BICRAL: variants seen among roughly 807,000 people sequenced by gnomAD.
The protein encoded by BICRAL is BRD4-interacting chromatin-remodeling complex-associated protein-like.
Under a neutral mutation model 91.8 loss-of-function variants are expected in BICRAL, and 8 were observed. That is an observed-to-expected ratio of 0.09 (90% CI 0.05 to 0.16). The LOEUF (loss-of-function observed/expected upper bound fraction) is 0.16, where lower values mean the gene tolerates loss of function less well. BICRAL is among the 10% of genes least tolerant of loss of function. The pLI, the probability that BICRAL is intolerant of heterozygous loss-of-function variation, is 1.00. For missense variants in BICRAL, 1,038 were observed against 1,310.9 expected (o/e 0.79, Z 3.21); for synonymous variants, 445 against 491.1 (o/e 0.91, Z 1.24).
At chr6:42,853,102 C>G (rs956675078) in intron 7 of BICRAL, among the ~76,000 whole-genome samples, 2 of 150,352 alleles carry the variant, frequency 1.3e-5, no homozygotes, top group Non-Finnish European at 3.0e-5. Flanking sequence ...TTTTACAGTA[C>G]TTGTGACTTT....
At chr6:42,748,236 G>A (rs1762319164) in intron 1 of BICRAL, among the ~76,000 whole-genome samples, 1 of 150,416 alleles carries the variant, frequency 6.6e-6, no homozygotes, top group South Asian at 2.1e-4. Context: ...TTTATTTTAT[G>A]AAATGTTGAT....
intron 1 of BICRAL, among the ~76,000 whole-genome samples, chr6:42,783,132 C>A (rs1226299259): frequency 1.3e-5 from 2 of 148,784 alleles, no homozygotes; most frequent in East Asian, 3.9e-4. Context: ...CGCCCCGGCC[C>A]CGTTCCCGCT....
intron 12 of BICRAL, among the ~76,000 whole-genome samples, 161 bp from the exon 13 acceptor site, chr6:42,864,498 C>G (rs1050413725): frequency 6.6e-6 from 1 of 152,198 alleles, no homozygotes; most frequent in East Asian, 1.9e-4. Flanking sequence ...AGGATGCCCT[C>G]TCAGGATCAG....
Position 42,829,162 on chromosome 6 carries a change from C to G in BICRAL, c.829C>G (p.Pro277Ala), listed in dbSNP as rs1235265806. 2 of 1,613,984 alleles carry G rather than the reference C, an allele frequency of 1.2e-6. No individual in the cohort carries two copies. Among genetic ancestry groups the G allele is most frequent in the East Asian group, 4.5e-5 (2 of 44,884 alleles). Reference sequence around the variant, plus strand: ...CTCTAGTTCCAGTCCAGTAGCACAGCCTGTTACCGTTCCATTTAACAGCAC... The same window carrying G: ...CTCTAGTTCCAGTCCAGTAGCACAGGCTGTTACCGTTCCATTTAACAGCAC... ...GNSSSSPVAQ[P>A]VTVPFNSTNF... Residue 277 changes from proline (P) to alanine (A), a missense_variant, in exon 6 of 13, where the codon CCT becomes GCT. Physicochemically the swap from Pro to Ala is conservative, Grantham distance 27. Transcript: ENST00000314073.
chr6:42,804,902 A>G (rs1763667554), intron 1 of BICRAL, among the ~76,000 whole-genome samples: 3 of 152,136 alleles, frequency 2.0e-5, no homozygotes, highest in South Asian at 4.1e-4. Flanking sequence ...GGGCCTCGCT[A>G]TGTAGCCTAG....
In BICRAL at chr6:42,857,252, C is replaced by A. The variant is rs1581637044; in HGVS notation, c.2254+16C>A. The A allele has an allele frequency of 2.5e-6, 4 of 1,602,938 alleles. No homozygotes were observed. In the East Asian group the frequency reaches 9.0e-5, roughly 36 times the overall value. ...TTGAGAAAAGGTAAGCAGGCTGGGA[C>A]CCTAAGGCACCACTCTGATACCAGG... On this transcript the variant is annotated intron_variant, in intron 10 of 12. Transcript: ENST00000314073.
intron 6 of BICRAL, among the ~76,000 whole-genome samples, chr6:42,845,357 G>A (rs1562491085): frequency 6.7e-6 from 1 of 150,196 alleles, no homozygotes; most frequent in Non-Finnish European, 1.5e-5. Flanking sequence ...GCCTCCGGAG[G>A]GATTACAAGC....
intron 1 of BICRAL, among the ~76,000 whole-genome samples, chr6:42,759,690 T>C (rs1456850749): frequency 2.0e-5 from 3 of 152,230 alleles, no homozygotes; most frequent in Non-Finnish European, 2.9e-5. Context: ...TCTGTGATCC[T>C]ATGCCTCATC....
intron 1 of BICRAL, among the ~76,000 whole-genome samples, chr6:42,790,249 C>T (rs1044710527): frequency 1.3e-5 from 2 of 151,996 alleles, no homozygotes; most frequent in African/African-American, 4.8e-5. Flanking sequence ...CCTGGACCTC[C>T]TGGGATCAAG....
Position 42,759,179 on chromosome 6 carries a change from G to T in BICRAL, c.-261+12156G>T, listed in dbSNP as rs140784378. 1.4e-4 allele frequency among the ~76,000 whole-genome samples: 22 copies of T among 152,304 alleles called. No homozygotes were observed. The East Asian group carries it at 3.9e-3, about 27-fold the overall frequency. ...CAGGAACTGAAGCACTTCAAAGCTG[G>T]AAGTGGAGATCAGAGATGAAGTTAG... On this transcript the variant is annotated intron_variant, in intron 1 of 14. Transcript: ENST00000614467.
chr6:42,854,484 T>A (rs1168530273), intron 8 of BICRAL, among the ~76,000 whole-genome samples: 1 of 152,056 alleles, frequency 6.6e-6, no homozygotes, highest in African/African-American at 2.4e-5. Flanking sequence ...GTGCCCTGTC[T>A]AGTCCAGCTG....
chr6:42,780,346 G>C (rs1046415005), upstream of BICRAL, among the ~76,000 whole-genome samples: 1 of 151,898 alleles, frequency 6.6e-6, no homozygotes, highest in Non-Finnish European at 1.5e-5. Flanking sequence ...ATGCTTAAGG[G>C]GATATAGAAG....
At chr6:42,776,911 A>G (rs1397621374) in intron 1 of BICRAL, among the ~76,000 whole-genome samples, 1 of 152,180 alleles carries the variant, frequency 6.6e-6, no homozygotes, top group Admixed American at 6.5e-5. Context: ...CCCTTAATAT[A>G]TGGGTCTCTA....
chr6:42,862,096 G>A (rs1765571299), intron 11 of BICRAL, among the ~76,000 whole-genome samples: 1 of 152,080 alleles, frequency 6.6e-6, no homozygotes, highest in Non-Finnish European at 1.5e-5. Context: ...CAGCACTTGA[G>A]GAGGCCAAGG....
chr6:42,791,211 T>A (rs1025621210), intron 1 of BICRAL, among the ~76,000 whole-genome samples: 1 of 152,198 alleles, frequency 6.6e-6, no homozygotes. Flanking sequence ...GAGACCTCTC[T>A]GTACCAGATC....
intron 12 of BICRAL, among the ~76,000 whole-genome samples, chr6:42,864,295 G>A (rs1050653490): frequency 2.0e-5 from 3 of 152,138 alleles, no homozygotes; most frequent in East Asian, 3.9e-4. Context: ...AGCCAAGATC[G>A]TACCACTGCA....
intron 1 of BICRAL, among the ~76,000 whole-genome samples, chr6:42,766,181 C>T (rs1282632709): frequency 6.6e-6 from 1 of 152,048 alleles, no homozygotes; most frequent in Admixed American, 6.6e-5. Context: ...TTAGGAGTGA[C>T]TTTGTAAAGT....
At chr6:42,776,144 C>G (rs1340317697) in intron 1 of BICRAL, among the ~76,000 whole-genome samples, 1 of 152,088 alleles carries the variant, frequency 6.6e-6, no homozygotes, top group Non-Finnish European at 1.5e-5. Flanking sequence ...GCCTCAGCCT[C>G]CCGAGTAGCT....
In BICRAL at chr6:42,845,195, G is replaced by GTTTTTT. The variant is rs748804344; in HGVS notation, c.1840-6849_1840-6844dup. On this transcript the variant is annotated intron_variant, in intron 6 of 12. Transcript: ENST00000314073. ...CTTCTCTGTTTTTTGTTTTTTGGGT[G>GTTTTTT]TTTTTTTTTTTTTTTTTTTTTTTTT... Among the ~76,000 whole-genome samples the GTTTTTT allele has an allele frequency of 3.9e-4, 10 of 25,612 alleles. 1 individual carries two copies. The highest frequency in any genetic ancestry group is 1.2e-3 in the East Asian group (1 of 832). 16.8% of individuals were successfully genotyped at this position (25,612 alleles called of 152,430 possible).
Sources: gnomAD v4.1 joint callset for allele counts (sites outside exome capture counted in the v4.1 genomes callset) on GRCh38, gnomAD v4.1.1 for gene constraint, MANE v1.5 for transcripts, NCBI Gene and HGNC (gene_info 2026-07-23, HGNC 2026-07-21) for gene names.